The following ALAD variants were observed in gnomAD, a reference collection of about 807,000 sequenced individuals.
The protein encoded by ALAD is aminolevulinate dehydratase.
ALAD carries 20 observed loss-of-function variants against 44.4 expected under a neutral mutation model. The observed-to-expected ratio is 0.45, with a 90% confidence interval of 0.32 to 0.65. The LOEUF is 0.65. Ranked by LOEUF, ALAD falls within the 30% of genes least tolerant of loss-of-function variation. The probability of loss-of-function intolerance (pLI) is 0.05; values close to 1 mark genes in which losing one functional copy is unlikely to be tolerated. For synonymous variants in ALAD, 156 were observed against 167.9 expected (o/e 0.93, Z 0.55); for missense variants, 323 against 445.7 (o/e 0.72, Z 2.48).
intron 1 of ALAD, 58 bp from the exon 2 acceptor site, chr9:113,393,692 C>A: frequency 2.8e-6 from 2 of 723,020 alleles, no homozygotes; most frequent in Non-Finnish European, 4.9e-6. Flanking sequence ...GAGATGGTCA[C>A]ATCTGGAAAA....
In ALAD at chr9:113,393,464, G is replaced by A; in HGVS notation, c.96C>T (p.Ile32=). 6.2e-7 allele frequency: 1 copy of A among 1,613,652 alleles called. No individual in the cohort carries two copies. Among genetic ancestry groups the A allele is most frequent in the South Asian group, 1.1e-5 (1 of 91,084 alleles). ...AGACTCACGTGACAAAGATGGGGTA[G>A]ATGAGGTTGGAGGCATTGAGGGTGG... ...ATTTLNASNL[I]YPIFVTDVPD... is the part of the protein sequence containing the mutation. The change falls in exon 2 of 12, where the codon ATC becomes ATT. Residue 32 remains isoleucine (I), a synonymous_variant. Transcript: ENST00000409155.
chr9:113,392,835 T>C (rs1827629439), intron 2 of ALAD, among the ~76,000 whole-genome samples: 1 of 149,082 alleles, frequency 6.7e-6, no homozygotes, highest in Non-Finnish European at 1.5e-5. Flanking sequence ...TTTTTTTTTT[T>C]GAGATGGAGT....
intron 1 of ALAD, among the ~76,000 whole-genome samples, chr9:113,400,798 G>C (rs962378848): frequency 6.6e-6 from 1 of 152,114 alleles, no homozygotes; most frequent in African/African-American, 2.4e-5. Flanking sequence ...CTCCAGCCTG[G>C]GCAACAAGAG....
At position 113,392,126 on chromosome 9, in the gene ALAD, C is replaced by T; in HGVS notation, c.157G>A (p.Val53Met). 6.2e-7 allele frequency: 1 copy of T among 1,613,038 alleles called. No homozygotes were observed. The highest frequency in any genetic ancestry group is 8.5e-7 in the Non-Finnish European group (1 of 1,179,538). The change falls in exon 3 of 12, where the codon GTG becomes ATG. Residue 53 changes from valine to methionine, a missense_variant. By Grantham distance (21) the Val-to-Met change is conservative. Transcript: ENST00000409155. The part of the protein sequence containing the change: ...DIQPITSLPG[V>M]ARYGVKRLEE... ...CAACTCCACGTCTCCTACCTGGCCA[C>T]TCCTGGGAGGCTGGTGATAGGCTGT...
At chr9:113,395,030 G>A (rs1223032984) in intron 1 of ALAD, among the ~76,000 whole-genome samples, 1 of 151,934 alleles carries the variant, frequency 6.6e-6, no homozygotes, top group African/African-American at 2.4e-5. Context: ...ACTCCAGCCT[G>A]GGCGACAGAG....
intron 1 of ALAD, among the ~76,000 whole-genome samples, chr9:113,400,922 C>G (rs1827837093): frequency 6.6e-6 from 1 of 152,228 alleles, no homozygotes; most frequent in Non-Finnish European, 1.5e-5. Flanking sequence ...CCCCACCAAC[C>G]ACCACCCGCA....
At chr9:113,398,579 A>G (rs906782595) in intron 1 of ALAD, among the ~76,000 whole-genome samples, 3 of 152,218 alleles carry the variant, frequency 2.0e-5, no homozygotes, top group African/African-American at 7.2e-5. Context: ...TCAGAGACAG[A>G]TTTGATTTGA....
chr9:113,389,171 T>C, intron 10 of ALAD, 65 bp from the exon 11 acceptor site: 3 of 1,600,212 alleles, frequency 1.9e-6, no homozygotes, highest in South Asian at 2.2e-5. Context: ...GAAGCGTCCC[T>C]TCCCCCCTGC....
rs375287171 is a variant in ALAD at position 113,389,423 on chromosome 9, C to T, written c.801+15G>A. ...CCAGCCCCCTGAGCCCCCTTTGCCT[C>T]GTACCTGTGCTCACCTTGTCCTTTA... On this transcript the variant is annotated intron_variant, in intron 10 of 11. Coordinates refer to ENST00000409155, the MANE Select transcript of ALAD (RefSeq NM_000031.6). 1.9e-5 allele frequency: 30 copies of T among 1,612,582 alleles called. No homozygotes were observed. Among genetic ancestry groups the T allele is most frequent in the Admixed American group, 6.7e-5 (4 of 60,012 alleles).
chr9:113,394,358 C>T (rs1182964480), intron 1 of ALAD, among the ~76,000 whole-genome samples: 2 of 149,256 alleles, frequency 1.3e-5, no homozygotes, highest in Non-Finnish European at 3.0e-5. Context: ...GGCAACATGG[C>T]GAGACCCTGT....
rs1588082379 is a variant in ALAD, at chr9:113,389,467, G to A, written c.772C>T (p.Leu258=). The A allele has an allele frequency of 6.2e-7, 1 of 1,613,834 alleles. No homozygotes were observed. Among genetic ancestry groups the A allele is most frequent in the African/African-American group, 1.3e-5 (1 of 74,920 alleles). Residue 258 remains leucine (L), a synonymous_variant, in exon 10 of 12, where the codon CTG becomes TTG. Transcript: ENST00000409155. The part of the protein sequence containing the change: ...MLMVKPGMPY[L]DIVREVKDKH... ...TCCTTTACCTCCCGCACGATGTCCA[G>A]GTAGGGCATTCCCGGCTTCACCATG...
intron 1 of ALAD, among the ~76,000 whole-genome samples, chr9:113,398,875 G>C (rs1827796948): frequency 6.6e-6 from 1 of 152,172 alleles, no homozygotes; most frequent in Non-Finnish European, 1.5e-5. Context: ...CATATTGGCA[G>C]AGCCAAATGC....
In ALAD at chr9:113,391,914, CGGGTGAT is replaced by C. The variant is rs560842603; in HGVS notation, c.164+198_164+204del. Among the ~76,000 whole-genome samples, 63 of 152,338 alleles carry C rather than the reference CGGGTGAT, an allele frequency of 4.1e-4. No homozygotes were observed. The South Asian group carries it at 9.5e-3, about 23-fold the overall frequency. ...TGCAACAGCCTCTGCCACGACGTCT[CGGGTGAT>C]GGGTAGCTCTTTACTTTATGGGGCT... On this transcript the variant is annotated intron_variant, in intron 3 of 11. Transcript: ENST00000409155.
chr9:113,399,336 C>T (rs1283596971), intron 1 of ALAD, among the ~76,000 whole-genome samples: 1 of 152,152 alleles, frequency 6.6e-6, no homozygotes, highest in African/African-American at 2.4e-5. Context: ...AGGAGTGGGG[C>T]TGGGTTGGAA....
intron 10 of ALAD, 31 bp downstream of exon 10, chr9:113,389,405 CCT>C (rs1014764895): frequency 2.0e-5 from 32 of 1,609,934 alleles, no homozygotes; most frequent in Non-Finnish European, 2.6e-5. Context: ...GTCCCAGCCC[CCT>C]GAGCCCCCTT....
intron 1 of ALAD, chr9:113,398,266 T>C (rs1827782652): frequency 6.6e-6 from 1 of 152,288 alleles, no homozygotes; most frequent in Non-Finnish European, 1.5e-5. Context: ...ACAGAGGCTC[T>C]GAGCGGTTCA....
At chr9:113,389,904 A>G in intron 7 of ALAD, 76 bp from the exon 8 acceptor site, 4 of 1,570,962 alleles carry the variant, frequency 2.5e-6, no homozygotes, top group Non-Finnish European at 3.5e-6. Context: ...AGGGAGAGAA[A>G]GAACCTAGGC....
chr9:113,400,746 C>T (rs1409140609), intron 1 of ALAD, among the ~76,000 whole-genome samples: 1 of 152,010 alleles, frequency 6.6e-6, no homozygotes, highest in Non-Finnish European at 1.5e-5. Context: ...CGCTTGAACC[C>T]GGGAGGCGGA....
chr9:113,395,397 C>T (rs1827700458), intron 1 of ALAD, among the ~76,000 whole-genome samples: 1 of 152,214 alleles, frequency 6.6e-6, no homozygotes, highest in Non-Finnish European at 1.5e-5. Context: ...TATCTGTGGA[C>T]CTGTCTTACC....
Sources: gnomAD v4.1 joint callset for allele counts (sites outside exome capture counted in the v4.1 genomes callset) on GRCh38, gnomAD v4.1.1 for gene constraint, MANE v1.5 for transcripts, NCBI Gene and HGNC (gene_info 2026-07-23, HGNC 2026-07-21) for gene names.